TBL1X: variants seen among roughly 807,000 people sequenced by gnomAD.
TBL1X encodes the protein transducin beta like 1 X-linked.
In TBL1X, 10 loss-of-function variants were observed where a neutral mutation model predicts 50.7. The ratio of observed to expected loss-of-function variants is 0.20; its 90% confidence interval spans 0.12 to 0.33. The LOEUF is 0.33. Among genes scored for constraint, TBL1X ranks in the 10% least tolerant of loss-of-function variants. The pLI is 1.00. For synonymous variants in TBL1X, 190 were observed against 214.7 expected (o/e 0.88, Z 1.01); for missense variants, 340 against 504.4 (o/e 0.67, Z 3.12).
intron 2 of TBL1X, among the ~76,000 whole-genome samples, chrX:9,502,197 A>C (rs2082004846): frequency 8.8e-6 from 1 of 113,002 alleles, no homozygotes; most frequent in Non-Finnish European, 1.9e-5. Flanking sequence ...GTGGAGTAAA[A>C]TAGAATGTAT....
intron 1 of TBL1X, among the ~76,000 whole-genome samples, chrX:9,482,084 T>C (rs1193293968): frequency 9.0e-6 from 1 of 111,401 alleles, no homozygotes; most frequent in Non-Finnish European, 1.9e-5. Flanking sequence ...TTTGAATTTT[T>C]ATTATTTTCT....
intron 1 of TBL1X, among the ~76,000 whole-genome samples, chrX:9,493,567 G>T (rs749451968): frequency 5.3e-4 from 59 of 111,031 alleles, no homozygotes; most frequent in Non-Finnish European, 9.1e-4. Context: ...TTGGAGACCA[G>T]CCTGGGCAAG....
At chrX:9,634,448 A>G (rs960607312) in intron 2 of TBL1X, among the ~76,000 whole-genome samples, 3 of 111,795 alleles carry the variant, frequency 2.7e-5, no homozygotes, top group Non-Finnish European at 5.6e-5. Flanking sequence ...TAATTAGATT[A>G]TTTAATCCAA....
chrX:9,652,909 G>A (rs758129443), intron 3 of TBL1X, among the ~76,000 whole-genome samples: 8 of 111,280 alleles, frequency 7.2e-5, no homozygotes, highest in East Asian at 2.8e-4. Context: ...GCTCACGCCC[G>A]TAATCCCAGC....
intron 2 of TBL1X, among the ~76,000 whole-genome samples, chrX:9,525,314 A>G (rs2082126704): frequency 8.9e-6 from 1 of 111,946 alleles, no homozygotes. Context: ...ACTTGTTTTG[A>G]ATATTTAAAG....
intron 2 of TBL1X, among the ~76,000 whole-genome samples, chrX:9,518,468 C>G (rs1332161486): frequency 8.9e-6 from 1 of 112,517 alleles, no homozygotes; most frequent in African/African-American, 3.2e-5. Context: ...GAGTCACTTA[C>G]TTCATGTGAA....
At chrX:9,575,831 A>G (rs1032601344) in intron 2 of TBL1X, among the ~76,000 whole-genome samples, 3 of 112,023 alleles carry the variant, frequency 2.7e-5, no homozygotes, top group African/African-American at 9.7e-5. Context: ...AATGCTGTGC[A>G]GAAACTCTTA....
At chrX:9,571,987 C>T (rs746147271) in intron 2 of TBL1X, among the ~76,000 whole-genome samples, 1 of 111,948 alleles carries the variant, frequency 8.9e-6, no homozygotes, top group South Asian at 3.7e-4. Flanking sequence ...ATTCATGCAT[C>T]GATGGACAGT....
In TBL1X at chrX:9,685,717, CTTTTTT is replaced by C. The variant is rs752837096; in HGVS notation, c.357+1547_357+1552del. ...TCCTGTTCTCTTTTTCTTTTCTTTT[CTTTTTT>C]TTTTTTTTTTTTTTTTTAAGACAGG... is the stretch of plus-strand genomic sequence containing the variant. On this transcript the variant is annotated intron_variant, in intron 6 of 17. Coordinates refer to ENST00000645353, the MANE Select transcript of TBL1X (RefSeq NM_005647.4). 6.5e-4 allele frequency among the ~76,000 whole-genome samples: 39 copies of C among 59,620 alleles called. No homozygotes were observed. In the South Asian group the frequency reaches 8.7e-3, roughly 13 times the overall value. 51.8% of individuals were successfully genotyped at this position (59,620 alleles called of 115,157 possible). A position where few individuals can be genotyped will look rare whatever the true frequency, so the allele number is the denominator to read the frequency against.
At chrX:9,535,981 G>A (rs2082185575) in intron 2 of TBL1X, among the ~76,000 whole-genome samples, 1 of 111,601 alleles carries the variant, frequency 9.0e-6, no homozygotes, top group African/African-American at 3.3e-5. Context: ...GTTTGAAATC[G>A]ATCAGCCTGA....
chrX:9,715,725 C>T (rs760676811), intron 17 of TBL1X, among the ~76,000 whole-genome samples: 50 of 111,950 alleles, frequency 4.5e-4, no homozygotes, highest in African/African-American at 1.4e-3. Context: ...CTGAGAAGCC[C>T]GGGCCTCTGG....
At chrX:9,648,519 A>T (rs570732318) in intron 3 of TBL1X, among the ~76,000 whole-genome samples, 1 of 112,048 alleles carries the variant, frequency 8.9e-6, no homozygotes, top group Admixed American at 9.4e-5. Flanking sequence ...CCCCACATGT[A>T]CACCCAGAGC....
rs113935925 is a variant in TBL1X, at chrX:9,629,953, C to T, written c.-130-10320C>T. 2.6e-3 allele frequency among the ~76,000 whole-genome samples: 289 copies of T among 111,127 alleles called. 4 individuals carry two copies. Among genetic ancestry groups the T allele is most frequent in the African/African-American group, 9.0e-3 (276 of 30,538 alleles). ...CCGCTCTTTCCTGCATGTCTACTAC[C>T]CCCGTCCAAGCACTTCCTTGGCTCT... On this transcript the variant is annotated intron_variant, in intron 2 of 17. Transcript: ENST00000645353.
intron 2 of TBL1X, among the ~76,000 whole-genome samples, chrX:9,608,922 C>T (rs1311471859): frequency 9.2e-6 from 1 of 108,559 alleles, no homozygotes; most frequent in Non-Finnish European, 2.0e-5. Flanking sequence ...AGAGTTTCTC[C>T]TCTTGAGTAT....
At chrX:9,600,644 A>G (rs1164953894) in intron 2 of TBL1X, among the ~76,000 whole-genome samples, 1 of 111,617 alleles carries the variant, frequency 9.0e-6, no homozygotes, top group Non-Finnish European at 1.9e-5. Context: ...ACAAAATTGG[A>G]GAGGACCATA....
chrX:9,484,330 A>ACACACACACC (rs777004273), intron 1 of TBL1X, among the ~76,000 whole-genome samples: 1 of 111,254 alleles, frequency 9.0e-6, no homozygotes, highest in African/African-American at 3.3e-5. Flanking sequence ...ACACACACAC[A>ACACACACACC]CACACCCATA....
intron 11 of TBL1X, among the ~76,000 whole-genome samples, chrX:9,696,066 A>G (rs1007076539): frequency 8.9e-5 from 10 of 112,678 alleles, no homozygotes; most frequent in African/African-American, 2.9e-4. Context: ...CAGAGTGACT[A>G]AAATATATGT....
rs904454584 is a variant in TBL1X, at chrX:9,712,367, T to C, written c.1605+591T>C. 1.5e-4 allele frequency among the ~76,000 whole-genome samples: 17 copies of C among 112,909 alleles called. No individual in the cohort carries two copies. In the East Asian group the frequency reaches 4.5e-3, roughly 30 times the overall value. On this transcript the variant is annotated intron_variant, in intron 16 of 17. Coordinates refer to ENST00000645353, the MANE Select transcript of TBL1X (RefSeq NM_005647.4). ...TTGTTTTTGTTTTTGAGACGGAGTCTCACTCTGTCACCCAGGCTGGAGTGC... is the reference window on the plus strand; with the variant it reads ...TTGTTTTTGTTTTTGAGACGGAGTCCCACTCTGTCACCCAGGCTGGAGTGC...
chrX:9,658,477 T>C (rs759004924), intron 5 of TBL1X, among the ~76,000 whole-genome samples: 1 of 110,754 alleles, frequency 9.0e-6, no homozygotes, highest in African/African-American at 3.3e-5. Context: ...GTGAGTTGTG[T>C]GCCCCCGCAT....
Sources: gnomAD v4.1 joint callset for allele counts (sites outside exome capture counted in the v4.1 genomes callset) on GRCh38, gnomAD v4.1.1 for gene constraint, MANE v1.5 for transcripts, NCBI Gene and HGNC (gene_info 2026-07-23, HGNC 2026-07-21) for gene names.